The following KLF11 variants were observed in gnomAD, a reference collection of about 807,000 sequenced individuals.
The protein encoded by KLF11 is KLF transcription factor 11.
In KLF11, 26 loss-of-function variants were observed where a neutral mutation model predicts 29.9. The observed-to-expected ratio is 0.87, with a 90% CI of 0.64 to 1.21. The LOEUF is 1.21. Among genes scored for constraint, KLF11 ranks in the 50% most tolerant of loss-of-function variants. The pLI, the probability that KLF11 is intolerant of heterozygous loss-of-function variation, is 0.00. For synonymous variants in KLF11, 318 were observed against 257.4 expected, an observed-to-expected ratio of 1.24 and a Z score of -2.25; for missense variants, 778 against 665.7, an observed-to-expected ratio of 1.17 and a Z score of -1.86.
chr2:10,043,705 C>T lies in KLF11; in HGVS notation c.-12C>T, dbSNP rs1221564505. 9 of 1,337,724 alleles carry T rather than the reference C, an allele frequency of 6.7e-6. No individual in the cohort carries two copies. In the Admixed American group the frequency reaches 1.2e-4, roughly 19 times the overall value. The allele number at this position is 1,337,724 out of a possible 1,614,324, so 82.9% of individuals were successfully genotyped here. ...CCCGCGGCCGCTTTGTTGCTCCCGGCCGGCCTGCACGATGCACACGCCGGA... is the reference window on the plus strand; with the variant it reads ...CCCGCGGCCGCTTTGTTGCTCCCGGTCGGCCTGCACGATGCACACGCCGGA... On this transcript the variant is annotated 5_prime_UTR_variant, in exon 1 of 4. Coordinates refer to ENST00000305883, the MANE Select transcript of KLF11 (RefSeq NM_003597.5).
In KLF11 at chr2:10,052,410, A is replaced by T; in HGVS notation, c.1442A>T (p.Lys481Met). 1 of 1,614,152 alleles carries T rather than the reference A, an allele frequency of 6.2e-7. No individual in the cohort carries two copies. The highest frequency in any genetic ancestry group is 1.6e-4 in the Middle Eastern group (1 of 6,062). ...GCCCGGCGCCACATGACGACCAAGA[A>T]GATCCCAGGCTGGCAGGCAGAGGTT... The part of the protein sequence containing the change: ...KHARRHMTTK[K>M]IPGWQAEVGK... The change falls in exon 4 of 4, where the codon AAG (lysine) becomes ATG (methionine). Residue 481 changes from lysine (K) to methionine (M), a missense_variant. By Grantham distance (95) the Lys-to-Met change is moderately conservative. Coordinates refer to ENST00000305883, the MANE Select transcript of KLF11 (RefSeq NM_003597.5).
At chr2:10,049,622 C>T (rs1661343481) in intron 3 of KLF11, among the ~76,000 whole-genome samples, 2 of 152,222 alleles carry the variant, frequency 1.3e-5, no homozygotes, top group African/African-American at 4.8e-5. Flanking sequence ...TCCCTCTTGG[C>T]CCTCTGCCCA....
At position 10,048,143 on chromosome 2, in the gene KLF11, C is replaced by T. The variant is rs145504876; in HGVS notation, c.806C>T (p.Pro269Leu). The T allele has an allele frequency of 8.1e-6, 13 of 1,614,164 alleles. No individual in the cohort carries two copies. The highest frequency in any genetic ancestry group is 2.2e-5 in the East Asian group (1 of 44,888). ...CCAAAGAATTATGAAAATGACCTGC[C>T]CAGGAAAACCACCCCTCTGATTTCT... ...CSPKNYENDL[P>L]RKTTPLISVS... Residue 269 changes from proline (P) to leucine (L), a missense_variant, in exon 3 of 4, where the codon CCC (proline) becomes CTC (leucine). Transcript: ENST00000305883.
chr2:10,043,770 G>C lies in KLF11; in HGVS notation c.42+12G>C. The stretch of plus-strand genomic sequence containing the variant: ...ACGACGCGCGCGCAGTGAGTGGTGG[G>C]GCTGCCGCGGCGGGACTACTCGTCT... On this transcript the variant is annotated intron_variant, in intron 1 of 3. Transcript: ENST00000305883. 1 of 1,373,000 alleles carries C rather than the reference G, an allele frequency of 7.3e-7. No individual in the cohort carries two copies. Among genetic ancestry groups the C allele is most frequent in the Non-Finnish European group, 9.6e-7 (1 of 1,046,220 alleles). 85.1% of individuals were successfully genotyped at this position (1,373,000 alleles called of 1,614,324 possible). A position where few individuals can be genotyped will look rare whatever the true frequency, so the allele number is the denominator to read the frequency against.
At position 10,052,282 on chromosome 2, in the gene KLF11, G is replaced by T; in HGVS notation, c.1314G>T (p.Ser438=). ...GCTGTGATAAAAAGTTTGCTCGTTC[G>T]GATGAGCTGTCACGCCACCGCAGAA... is the stretch of plus-strand genomic sequence containing the variant. The part of the protein sequence containing the change: ...WDGCDKKFAR[S]DELSRHRRTH... Residue 438 remains serine (S), a synonymous_variant, in exon 4 of 4, where the codon TCG becomes TCT. Transcript: ENST00000305883. 1 of 1,614,126 alleles carries T rather than the reference G, an allele frequency of 6.2e-7. No individual in the cohort carries two copies. The highest frequency in any genetic ancestry group is 8.5e-7 in the Non-Finnish European group (1 of 1,180,022).
intron 1 of KLF11, among the ~76,000 whole-genome samples, chr2:10,045,790 T>G (rs979404172): frequency 2.0e-5 from 3 of 152,206 alleles, no homozygotes; most frequent in Non-Finnish European, 4.4e-5. Context: ...CAGTGTTGGC[T>G]CCTCCTCCCT....
chr2:10,052,356 T>G lies in KLF11; in HGVS notation c.1388T>G (p.Phe463Cys). The change falls in exon 4 of 4, where the codon TTC becomes TGC. Residue 463 changes from phenylalanine (F) to cysteine (C), a missense_variant. By Grantham distance (205) the Phe-to-Cys change is radical. Transcript: ENST00000305883. ...KFVCPVCDRRFMRSDHLTKHA... is the reference protein window; with the variant it reads ...KFVCPVCDRRCMRSDHLTKHA... ...GTGTGCCCGGTGTGTGACCGACGTTTCATGCGCAGTGACCACCTGACGAAG... is the reference window on the plus strand; with the variant it reads ...GTGTGCCCGGTGTGTGACCGACGTTGCATGCGCAGTGACCACCTGACGAAG... 5.0e-6 allele frequency: 8 copies of G among 1,614,082 alleles called. No homozygotes were observed. Among genetic ancestry groups the G allele is most frequent in the Non-Finnish European group, 6.8e-6 (8 of 1,180,008 alleles).
rs1449589172 is a variant in KLF11 at position 10,047,701 on chromosome 2, C to T, written c.364C>T (p.Pro122Ser). 4 of 1,613,462 alleles carry T rather than the reference C, an allele frequency of 2.5e-6. No homozygotes were observed. In the African/African-American group the frequency reaches 4.0e-5, roughly 16 times the overall value. Residue 122 changes from proline (P) to serine (S), a missense_variant, in exon 3 of 4, where the codon CCT becomes TCT. Transcript: ENST00000305883. ...PDLVEPSTRT[P>S]VSPQVTDSKA... ...TCTCGTGGAGCCATCGACAAGGACA[C>T]CTGTTTCTCCCCAAGTAACAGATTC...
rs1199825568 is a variant in KLF11 at position 10,054,834 on chromosome 2, T to A, written c.*2327T>A. ...GAATCATATAAAACTTGATTTTACA[T>A]TGGATGTGTGTCCTGTGTCATTTAA... On this transcript the variant is annotated 3_prime_UTR_variant, in exon 4 of 4. Transcript: ENST00000305883. The A allele has an allele frequency of 6.6e-6, 1 of 152,444 alleles. No individual in the cohort carries two copies. Among genetic ancestry groups the A allele is most frequent in the East Asian group, 1.9e-4 (1 of 5,192 alleles). The allele number at this position is 152,444 out of a possible 1,614,324, so 9.4% of individuals were successfully genotyped here. A position where few individuals can be genotyped will look rare whatever the true frequency, so the allele number is the denominator to read the frequency against.
At position 10,052,339 on chromosome 2, in the gene KLF11, G is replaced by A. The variant is rs550244177; in HGVS notation, c.1371G>A (p.Pro457=). 56 of 1,614,030 alleles carry A rather than the reference G, an allele frequency of 3.5e-5. No homozygotes were observed. In the East Asian group the frequency reaches 3.8e-4, roughly 11 times the overall value. Residue 457 remains proline (P), a synonymous_variant, in exon 4 of 4, where the codon CCG becomes CCA. Transcript: ENST00000305883. ...THTGEKKFVC[P]VCDRRFMRSD... ...CAGGGGAGAAGAAGTTTGTGTGCCC[G>A]GTGTGTGACCGACGTTTCATGCGCA...
chr2:10,046,614 T>C (rs1180869944), intron 2 of KLF11, among the ~76,000 whole-genome samples, 195 bp downstream of exon 2: 1 of 152,166 alleles, frequency 6.6e-6, no homozygotes, highest in African/African-American at 2.4e-5. Context: ...CCCAGCACTT[T>C]GGGAGGGCCA....
rs34801840 is a variant in KLF11, at chr2:10,050,407, CAAA to C, written c.1259-1802_1259-1800del. Among the ~76,000 whole-genome samples the C allele has an allele frequency of 2.6e-3, 299 of 115,838 alleles. 3 individuals carry two copies. Among genetic ancestry groups the C allele is most frequent in the African/African-American group, 8.5e-3 (257 of 30,358 alleles). 76.0% of individuals were successfully genotyped at this position (115,838 alleles called of 152,430 possible). On this transcript the variant is annotated intron_variant, in intron 3 of 3. Coordinates refer to ENST00000305883, the MANE Select transcript of KLF11 (RefSeq NM_003597.5). ...GGGCGACAGAGCGAGACTCTTATCT[CAAA>C]AAAAAAAAAAAAAAAAATTGGCCAG...
Position 10,052,665 on chromosome 2 carries a change from C to A in KLF11, c.*158C>A. 4.2e-6 allele frequency: 3 copies of A among 715,516 alleles called. No homozygotes were observed. The highest frequency in any genetic ancestry group is 7.1e-6 in the Non-Finnish European group (3 of 425,304). The allele number at this position is 715,516 out of a possible 1,614,324, so 44.3% of individuals were successfully genotyped here. ...TTTTGATGAAAGTATGTTAACTTTT[C>A]TTTTCCACTTGGGACCCTGTTCAGT... is the stretch of plus-strand genomic sequence containing the variant. On this transcript the variant is annotated 3_prime_UTR_variant, in exon 4 of 4. Transcript: ENST00000305883.
chr2:10,052,496 G>T lies in KLF11; in HGVS notation c.1528G>T (p.Ala510Ser). The T allele has an allele frequency of 6.2e-7, 1 of 1,613,890 alleles. No individual in the cohort carries two copies. The highest frequency in any genetic ancestry group is 1.7e-4 in the Middle Eastern group (1 of 6,000). Residue 510 changes from alanine to serine, a missense_variant, in exon 4 of 4, where the codon GCC (alanine) becomes TCC (serine). Transcript: ENST00000305883. ...GGGGAGCCCACTGGTGAGCATGCCA[G>T]CCTCTGCCTGAAAGGTCCATTAGGA... ...SPGSPLVSMPASA is the reference protein window; with the variant it reads ...SPGSPLVSMPSSA
Position 10,054,738 on chromosome 2 carries a change from T to G in KLF11, c.*2231T>G, listed in dbSNP as rs1661504236. ...TTTGAATGATAAGACTTAAAATGTT[T>G]CATAATTATGTTTTATGTAACAGAC... On this transcript the variant is annotated 3_prime_UTR_variant, in exon 4 of 4. Coordinates refer to ENST00000305883, the MANE Select transcript of KLF11 (RefSeq NM_003597.5). 6.5e-6 allele frequency: 1 copy of G among 152,674 alleles called. No homozygotes were observed. The highest frequency in any genetic ancestry group is 2.4e-5 in the African/African-American group (1 of 41,464). 9.5% of individuals were successfully genotyped at this position (152,674 alleles called of 1,614,324 possible).
In KLF11 at chr2:10,052,793, C is replaced by A; in HGVS notation, c.*286C>A. ...ACCAGCATTCAAACAAATATTTCGG[C>A]AATAAAGTTTACAAAATCTGGATTT... On this transcript the variant is annotated 3_prime_UTR_variant, in exon 4 of 4. Transcript: ENST00000305883. The A allele has an allele frequency of 4.7e-6, 2 of 427,112 alleles. No individual in the cohort carries two copies. Among genetic ancestry groups the A allele is most frequent in the Non-Finnish European group, 4.2e-6 (1 of 240,402 alleles). The allele number at this position is 427,112 out of a possible 1,614,324, so 26.5% of individuals were successfully genotyped here.
chr2:10,046,403 A>G lies in KLF11; in HGVS notation c.296A>G (p.His99Arg). The G allele has an allele frequency of 6.2e-7, 1 of 1,614,074 alleles. No homozygotes were observed. Among genetic ancestry groups the G allele is most frequent in the Non-Finnish European group, 8.5e-7 (1 of 1,180,036 alleles). Residue 99 changes from histidine (H) to arginine (R), a missense_variant, in exon 2 of 4, where the codon CAT becomes CGT. His to Arg is a conservative substitution (Grantham distance 29). Transcript: ENST00000305883. ...AATPELPKDF[H>R]SLSTLCITPP... ...ACACCTGAACTACCAAAAGACTTCC[A>G]TTCTTTATCGACTCTGGTAAGAGGA... is the stretch of plus-strand genomic sequence containing the variant.
Position 10,048,388 on chromosome 2 carries a change from C to T in KLF11, c.1051C>T (p.Pro351Ser). 6.2e-7 allele frequency: 1 copy of T among 1,613,436 alleles called. No homozygotes were observed. The highest frequency in any genetic ancestry group is 8.5e-7 in the Non-Finnish European group (1 of 1,179,402). The stretch of plus-strand genomic sequence containing the variant: ...CCTGCCCCAGGGAGCCCTCCCTCCG[C>T]CTGCCCCCTGTGCAGCCAATGTCAT... ...LVLPQGALPP[P>S]APCAANVMAA... Residue 351 changes from proline to serine, a missense_variant, in exon 3 of 4, where the codon CCT becomes TCT. Pro to Ser is a moderately conservative substitution (Grantham distance 74, BLOSUM62 -1). Coordinates refer to ENST00000305883, the MANE Select transcript of KLF11 (RefSeq NM_003597.5).
At position 10,046,158 on chromosome 2, in the gene KLF11, C is replaced by T. The variant is rs763407739; in HGVS notation, c.51C>T (p.Ile17=). ...TGTTGTGTCGCCTTTAGGTTGACAT[C>T]ATGGACATATGTGAGTCCATCCTGG... The part of the protein sequence containing the change: ...AGPDDARAVD[I]MDICESILER... The change falls in exon 2 of 4, where the codon ATC becomes ATT. Residue 17 remains isoleucine (I), a synonymous_variant. Transcript: ENST00000305883. 5 of 1,613,798 alleles carry T rather than the reference C, an allele frequency of 3.1e-6. No homozygotes were observed.
Sources: allele counts gnomAD v4.1 joint callset (sites outside exome capture counted in the v4.1 genomes callset), GRCh38; gene constraint gnomAD v4.1.1; transcripts MANE v1.5; gene names NCBI Gene and HGNC (gene_info 2026-07-23, HGNC 2026-07-21).